NXPE2: variants seen among roughly 807,000 people sequenced by gnomAD.
The protein encoded by NXPE2 is NXPE family member 2.
A neutral mutation model predicts 34.4 loss-of-function variants in NXPE2; 34 were observed. The observed-to-expected ratio is 0.99, with a 90% CI of 0.75 to 1.31. The LOEUF (loss-of-function observed/expected upper bound fraction) is 1.31, where lower values mean the gene tolerates loss of function less well. Ranked by LOEUF, NXPE2 falls within the 40% of genes most tolerant of loss-of-function variation. The pLI is 0.00. For missense variants in NXPE2, 649 were observed against 672.5 expected, an observed-to-expected ratio of 0.97 and a Z score of 0.39; for synonymous variants, 235 against 231.3, an observed-to-expected ratio of 1.02 and a Z score of -0.15.
the NXPE2 span, among the ~76,000 whole-genome samples, chr11:114,645,016 A>C: frequency 2.0e-5 from 3 of 152,006 alleles, no homozygotes; most frequent in Non-Finnish European, 4.4e-5. Flanking sequence ...TAAAAAAAAA[A>C]ACAGGCCGGG....
At chr11:114,733,327 T>C in the NXPE2 span, among the ~76,000 whole-genome samples, 1 of 152,318 alleles carries the variant, frequency 6.6e-6, no homozygotes, top group African/African-American at 2.4e-5. Flanking sequence ...TCTCCTGACC[T>C]CGTGATCTGC....
the NXPE2 span, among the ~76,000 whole-genome samples, chr11:114,723,926 CT>C: frequency 6.6e-5 from 10 of 152,146 alleles, no homozygotes; most frequent in Non-Finnish European, 1.2e-4. Context: ...ACCGAACCCT[CT>C]CCTATTTTGC....
At chr11:114,774,779 G>T in the NXPE2 span, among the ~76,000 whole-genome samples, 31 of 152,232 alleles carry the variant, frequency 2.0e-4, no homozygotes, top group African/African-American at 7.0e-4. Context: ...CCTGCAAGGC[G>T]TGGAGAGAAG....
chr11:114,726,472 A>G, the NXPE2 span, among the ~76,000 whole-genome samples: 1 of 152,018 alleles, frequency 6.6e-6, no homozygotes. Flanking sequence ...TCAGCCTCTG[A>G]AAGCATTGGG....
the NXPE2 span, among the ~76,000 whole-genome samples, chr11:114,745,126 T>C: frequency 6.6e-6 from 1 of 152,158 alleles, no homozygotes. Flanking sequence ...TTGATGTATA[T>C]TAGAGAAAAT....
the NXPE2 span, among the ~76,000 whole-genome samples, chr11:114,485,245 G>C: frequency 2.0e-5 from 3 of 151,964 alleles, no homozygotes; most frequent in African/African-American, 7.3e-5. Flanking sequence ...CTCTTACTCT[G>C]TTGCCCAGGC....
the NXPE2 span, among the ~76,000 whole-genome samples, chr11:114,786,355 A>ACCCC: frequency 9.4e-5 from 12 of 127,308 alleles, no homozygotes; most frequent in African/African-American, 2.3e-4. Context: ...AGATCTTTCT[A>ACCCC]CCCCCGCCCC....
At chr11:114,783,136 C>T in the NXPE2 span, among the ~76,000 whole-genome samples, 22 of 152,238 alleles carry the variant, frequency 1.4e-4, no homozygotes, top group Non-Finnish European at 2.5e-4. Context: ...TGCAGTCGAT[C>T]TGAAGCCACC....
In NXPE2 at chr11:114,703,999, T is replaced by C. The variant is rs896799797; in HGVS notation, c.875T>C (p.Ile292Thr). 1.2e-5 allele frequency: 18 copies of C among 1,551,150 alleles called. No individual in the cohort carries two copies. The highest frequency in any genetic ancestry group is 1.5e-5 in the Non-Finnish European group (17 of 1,146,060). ...TTTCCCATTTCTTGCAGGTCCAACA[T>C]AGGAGTTGAAATGATGAAGAACTTT... ...EEWRLFHRSN[I>T]GVEMMKNFTP... Residue 292 changes from isoleucine to threonine, a missense_variant, in exon 4 of 6, where the codon ATA becomes ACA. Coordinates refer to ENST00000389586, the MANE Select transcript of NXPE2 (RefSeq NM_182495.6).
chr11:114,593,978 T>C, the NXPE2 span, among the ~76,000 whole-genome samples: 1 of 152,032 alleles, frequency 6.6e-6, no homozygotes, highest in African/African-American at 2.4e-5. Flanking sequence ...CTTAAAATAA[T>C]TGAAGTCATG....
downstream of NXPE2, among the ~76,000 whole-genome samples, chr11:114,711,990 A>G (rs1026313096): frequency 2.0e-5 from 3 of 152,188 alleles, no homozygotes; most frequent in Admixed American, 6.5e-5. Flanking sequence ...CCACAACTAC[A>G]CAGTAGGGAA....
chr11:114,506,940 C>T, the NXPE2 span, among the ~76,000 whole-genome samples: 141 of 151,978 alleles, frequency 9.3e-4, no homozygotes, highest in African/African-American at 3.1e-3. Context: ...TCAACAAATC[C>T]AGGAGCTGGT....
At chr11:114,475,085 T>A in the NXPE2 span, among the ~76,000 whole-genome samples, 95 of 152,216 alleles carry the variant, frequency 6.2e-4, 2 homozygotes, top group East Asian at 0.018. Flanking sequence ...TTAGGAGAAA[T>A]GTGAACATCA....
the NXPE2 span, among the ~76,000 whole-genome samples, chr11:114,725,975 A>AT: frequency 0.12 from 7,743 of 64,382 alleles, 474 homozygotes; most frequent in East Asian, 0.22. Context: ...AATAAAAAAA[A>AT]AATATATATA....
chr11:114,746,570 G>A, the NXPE2 span, among the ~76,000 whole-genome samples: 2 of 152,118 alleles, frequency 1.3e-5, no homozygotes, highest in Non-Finnish European at 2.9e-5. Flanking sequence ...GGAACACCTG[G>A]GCTGGGCATG....
chr11:114,780,594 A>G, the NXPE2 span, among the ~76,000 whole-genome samples: 21 of 152,214 alleles, frequency 1.4e-4, no homozygotes, highest in Non-Finnish European at 2.9e-4. Context: ...CCAGCCCAGC[A>G]GGGAAGTGGC....
the NXPE2 span, among the ~76,000 whole-genome samples, chr11:114,524,895 C>T: frequency 6.6e-6 from 1 of 152,116 alleles, no homozygotes; most frequent in African/African-American, 2.4e-5. Context: ...TTCTGTATAT[C>T]AGGCAAAAGC....
At chr11:114,556,103 CT>C in the NXPE2 span, among the ~76,000 whole-genome samples, 1 of 152,182 alleles carries the variant, frequency 6.6e-6, no homozygotes, top group Non-Finnish European at 1.5e-5. Context: ...GAATTTATTG[CT>C]CTTAATCTGT....
At chr11:114,679,871 G>A in intron 2 of NXPE2, 109 bp downstream of exon 2, 2 of 636,840 alleles carry the variant, frequency 3.1e-6, no homozygotes, top group Non-Finnish European at 5.5e-6. Flanking sequence ...CATCTTAGCA[G>A]GAGAATGTGG....
Sources: gnomAD v4.1 joint callset for allele counts (sites outside exome capture counted in the v4.1 genomes callset) on GRCh38, gnomAD v4.1.1 for gene constraint, MANE v1.5 for transcripts, NCBI Gene and HGNC (gene_info 2026-07-23, HGNC 2026-07-21) for gene names.